Variants in EPHA6 observed in about 807,000 individuals in gnomAD.
EPHA6 encodes the protein EPH receptor A6, also known as ephrin type-A receptor 6.
A neutral mutation model predicts 112.0 loss-of-function variants in EPHA6; 50 were observed. That is an observed-to-expected ratio of 0.45 (90% CI 0.36 to 0.56). The LOEUF is 0.56. EPHA6 is among the 20% of genes least tolerant of loss of function. The pLI, the probability that EPHA6 is intolerant of heterozygous loss-of-function variation, is 0.00. For missense variants in EPHA6, 1,280 were observed against 1,417.4 expected (o/e 0.90, Z 1.56); for synonymous variants, 529 against 490.7 (o/e 1.08, Z -1.03).
chr3:97,246,408 A>C (rs2078988336), intron 5 of EPHA6, among the ~76,000 whole-genome samples: 1 of 151,862 alleles, frequency 6.6e-6, no homozygotes, highest in South Asian at 2.1e-4. Context: ...TGCTTATCAA[A>C]AGGATAAAAT....
intron 3 of EPHA6, among the ~76,000 whole-genome samples, chr3:97,219,251 C>A (rs1305233047): frequency 6.6e-6 from 1 of 152,148 alleles, no homozygotes; most frequent in Non-Finnish European, 1.5e-5. Flanking sequence ...CACCACTAGG[C>A]AGTACCCAAG....
In EPHA6 at chr3:97,025,651, C is replaced by T. The variant is rs181824929; in HGVS notation, c.1114+37658C>T. Among the ~76,000 whole-genome samples the T allele has an allele frequency of 8.3e-4, 126 of 152,232 alleles. 2 individuals carry two copies. In the South Asian group the frequency reaches 0.023, roughly 28 times the overall value. On this transcript the variant is annotated intron_variant, in intron 3 of 17. Coordinates refer to ENST00000389672, the MANE Select transcript of EPHA6 (RefSeq NM_001080448.3). ...TTCGCCAGGCTAGTGTGCAGTGGCG[C>T]GATCTCCGCTCACTGCAACCTCTGC...
At chr3:97,082,877 G>A (rs376288433) in intron 3 of EPHA6, among the ~76,000 whole-genome samples, 3 of 151,934 alleles carry the variant, frequency 2.0e-5, no homozygotes, top group East Asian at 3.9e-4. Flanking sequence ...TAAAATGTAA[G>A]CATTAAAGTT....
At chr3:97,362,333 G>T (rs2084416461) in intron 5 of EPHA6, among the ~76,000 whole-genome samples, 1 of 151,906 alleles carries the variant, frequency 6.6e-6, no homozygotes, top group East Asian at 1.9e-4. Context: ...TTACATTATG[G>T]TTCTGTGATA....
intron 1 of EPHA6, among the ~76,000 whole-genome samples, chr3:96,834,436 G>A (rs2034278053): frequency 6.6e-6 from 1 of 151,928 alleles, no homozygotes; most frequent in African/African-American, 2.4e-5. Flanking sequence ...AAGTAAGTAG[G>A]AAGTATTTTG....
chr3:97,219,835 C>G lies in EPHA6; in HGVS notation c.1115-6429C>G, dbSNP rs139713218. Among the ~76,000 whole-genome samples, 387 of 152,298 alleles carry G rather than the reference C, an allele frequency of 2.5e-3. 2 individuals are homozygous for G. Among genetic ancestry groups the G allele is most frequent in the Middle Eastern group, 0.01 (3 of 294 alleles). On this transcript the variant is annotated intron_variant, in intron 3 of 17. Transcript: ENST00000389672. Reference sequence around the variant, plus strand: ...TCTTTTCTATTGTATCATCAGGTTGCAAATTTTCCAAAATTTTATGCTCTA... The same window carrying G: ...TCTTTTCTATTGTATCATCAGGTTGGAAATTTTCCAAAATTTTATGCTCTA...
At chr3:96,877,995 T>A (rs2037079302) in intron 2 of EPHA6, among the ~76,000 whole-genome samples, 3 of 151,420 alleles carry the variant, frequency 2.0e-5, no homozygotes, top group South Asian at 2.1e-4. Flanking sequence ...AAAATGAAAT[T>A]TGTCCTCTTA....
intron 5 of EPHA6, among the ~76,000 whole-genome samples, chr3:97,318,450 G>A (rs140324629): frequency 4.2e-4 from 64 of 152,070 alleles, no homozygotes; most frequent in African/African-American, 1.5e-3. Context: ...TGGTGTTCTT[G>A]AACAAGTAGA....
chr3:97,425,522 T>C (rs2089043326), intron 6 of EPHA6, among the ~76,000 whole-genome samples: 1 of 152,198 alleles, frequency 6.6e-6, no homozygotes, highest in African/African-American at 2.4e-5. Flanking sequence ...GTCCCTAGGC[T>C]GTGCACAGCA....
At chr3:97,080,927 A>G (rs1234911119) in intron 3 of EPHA6, among the ~76,000 whole-genome samples, 2 of 152,036 alleles carry the variant, frequency 1.3e-5, no homozygotes, top group African/African-American at 4.8e-5. Flanking sequence ...TATTTACACC[A>G]TAAGGTGAGA....
In EPHA6 at chr3:97,646,239, A is replaced by G. The variant is rs771665827; in HGVS notation, c.2784+8157A>G. On this transcript the variant is annotated intron_variant, in intron 14 of 17. Coordinates refer to ENST00000389672, the MANE Select transcript of EPHA6 (RefSeq NM_001080448.3). ...TACTGGACTGGTCCTCATGTGGAAG[A>G]GAAACAGAAGGGCCATGGGAGCCAG... The G allele has an allele frequency of 2.3e-5, 36 of 1,535,506 alleles. No homozygotes were observed. In the African/African-American group the frequency reaches 3.3e-4, roughly 14 times the overall value.
At chr3:97,316,140 G>A (rs1354179059) in intron 5 of EPHA6, among the ~76,000 whole-genome samples, 2 of 151,754 alleles carry the variant, frequency 1.3e-5, no homozygotes, top group African/African-American at 4.8e-5. Flanking sequence ...AATTGACTAA[G>A]TTTTATCAAA....
chr3:97,094,253 A>T (rs1184083383), intron 3 of EPHA6, among the ~76,000 whole-genome samples: 1 of 152,140 alleles, frequency 6.6e-6, no homozygotes, highest in African/African-American at 2.4e-5. Flanking sequence ...TTTCACGTGG[A>T]AATTATGAAA....
At chr3:97,495,099 C>T (rs1222112171) in intron 10 of EPHA6, among the ~76,000 whole-genome samples, 3 of 152,138 alleles carry the variant, frequency 2.0e-5, no homozygotes, top group African/African-American at 4.8e-5. Flanking sequence ...ACAGCTGCCA[C>T]GCGCTGTTGG....
chr3:97,654,001 A>G (rs1379306032), intron 14 of EPHA6, among the ~76,000 whole-genome samples: 1 of 151,924 alleles, frequency 6.6e-6, no homozygotes, highest in Non-Finnish European at 1.5e-5. Flanking sequence ...AAATGGGAAG[A>G]TGTTGGCCAA....
chr3:96,900,261 T>C (rs902294382), intron 2 of EPHA6, among the ~76,000 whole-genome samples: 1 of 152,188 alleles, frequency 6.6e-6, no homozygotes, highest in Non-Finnish European at 1.5e-5. Context: ...TTCATAGCCA[T>C]TGAACTAGTG....
At chr3:97,276,620 C>T (rs917373428) in intron 5 of EPHA6, among the ~76,000 whole-genome samples, 7 of 151,996 alleles carry the variant, frequency 4.6e-5, no homozygotes, top group Admixed American at 2.0e-4. Context: ...AGTCCTGTTG[C>T]GGGGTTTGAT....
At chr3:97,052,478 A>G (rs929727416) in intron 3 of EPHA6, among the ~76,000 whole-genome samples, 2 of 152,090 alleles carry the variant, frequency 1.3e-5, no homozygotes, top group Non-Finnish European at 2.9e-5. Flanking sequence ...ACTATGCTAC[A>G]TTTATTTTTG....
intron 12 of EPHA6, among the ~76,000 whole-genome samples, chr3:97,595,677 AAGAGG>A (rs141447384): frequency 0.24 from 35,769 of 150,056 alleles, 5,931 homozygotes; most frequent in African/African-American, 0.45. Flanking sequence ...CACAGGAGAG[AAGAGG>A]AGAGGAGAGG....
Sources: gnomAD v4.1 joint callset for allele counts (sites outside exome capture counted in the v4.1 genomes callset) on GRCh38, gnomAD v4.1.1 for gene constraint, MANE v1.5 for transcripts, NCBI Gene and HGNC (gene_info 2026-07-23, HGNC 2026-07-21) for gene names.